The following DCC variants were observed in gnomAD, a reference collection of about 807,000 sequenced individuals.
DCC encodes DCC netrin 1 receptor, also known as netrin receptor DCC.
DCC carries 58 observed loss-of-function variants against 172.5 expected under a neutral mutation model. The observed-to-expected ratio is 0.34, with a 90% CI of 0.27 to 0.42. The LOEUF (loss-of-function observed/expected upper bound fraction) is 0.42, where lower values mean the gene tolerates loss of function less well. Ranked by LOEUF, DCC falls within the 10% of genes least tolerant of loss-of-function variation. The probability of loss-of-function intolerance (pLI) is 1.00; values close to 1 mark genes in which losing one functional copy is unlikely to be tolerated. For missense variants in DCC, 1,740 were observed against 1,791.0 expected (o/e 0.97, Z 0.51); for synonymous variants, 709 against 644.5 (o/e 1.10, Z -1.52).
At chr18:53,509,371 A>G (rs145927541) in intron 27 of DCC, among the ~76,000 whole-genome samples, 292 of 152,362 alleles carry the variant, frequency 1.9e-3, no homozygotes, top group African/African-American at 6.0e-3. Flanking sequence ...TAAGCTCAGC[A>G]TGGACATGGC....
chr18:52,847,681 GA>G lies in DCC; in HGVS notation c.413-58358del, dbSNP rs2038916598. Reference sequence around the variant, plus strand: ...TCAATTGAGACTAAAAATACAAAAAGAAAAAGCTTGATACATCCTCTGACTA... The same window carrying G: ...TCAATTGAGACTAAAAATACAAAAAGAAAAGCTTGATACATCCTCTGACTA... On this transcript the variant is annotated intron_variant, in intron 2 of 28. Transcript: ENST00000442544. Among the ~76,000 whole-genome samples, 6 of 152,146 alleles carry G rather than the reference GA, an allele frequency of 3.9e-5. No individual in the cohort carries two copies. The South Asian group carries it at 1.2e-3, about 32-fold the overall frequency.
At chr18:52,631,042 G>C (rs1004089776) in intron 1 of DCC, among the ~76,000 whole-genome samples, 3 of 152,182 alleles carry the variant, frequency 2.0e-5, no homozygotes, top group Non-Finnish European at 4.4e-5. Context: ...GGCACCTCTA[G>C]CATCTTAGGT....
intron 15 of DCC, among the ~76,000 whole-genome samples, chr18:53,346,039 G>A (rs1322722154): frequency 1.3e-5 from 2 of 151,898 alleles, no homozygotes; most frequent in Non-Finnish European, 2.9e-5. Context: ...TGTTGGCCAG[G>A]TTGGAGTACA....
chr18:53,430,888 G>A (rs1356794451), intron 21 of DCC, among the ~76,000 whole-genome samples: 9 of 152,032 alleles, frequency 5.9e-5, no homozygotes, highest in Admixed American at 5.2e-4. Context: ...CAGGTAGCAG[G>A]GAGATCAAGA....
chr18:52,735,353 T>G (rs1351808398), intron 1 of DCC, among the ~76,000 whole-genome samples: 2 of 152,136 alleles, frequency 1.3e-5, no homozygotes, highest in Non-Finnish European at 2.9e-5. Flanking sequence ...ACTTACTTTG[T>G]CCCTCTTCCC....
intron 26 of DCC, among the ~76,000 whole-genome samples, chr18:53,487,586 C>G (rs1258603303): frequency 8.4e-6 from 1 of 119,118 alleles, no homozygotes; most frequent in Non-Finnish European, 1.7e-5. Context: ...TGGTTTTCAT[C>G]TCTTAGAACA....
chr18:52,506,067 C>T (rs1823909), intron 1 of DCC, among the ~76,000 whole-genome samples: 9,949 of 151,872 alleles, frequency 0.066, 383 homozygotes, highest in Middle Eastern at 0.11. Context: ...CATCATCCTT[C>T]TATATTACCT....
intron 2 of DCC, among the ~76,000 whole-genome samples, chr18:52,849,494 A>G (rs1019793435): frequency 6.6e-6 from 1 of 152,202 alleles, no homozygotes; most frequent in African/African-American, 2.4e-5. Flanking sequence ...AGCAGCTGAG[A>G]TTAAATCCAG....
chr18:52,463,428 AG>A (rs1441848771), intron 1 of DCC, among the ~76,000 whole-genome samples: 6 of 152,304 alleles, frequency 3.9e-5, no homozygotes, highest in African/African-American at 1.4e-4. Flanking sequence ...TTAGGGACAT[AG>A]CCACAATAAT....
chr18:53,108,950 A>G (rs1385053786), intron 7 of DCC, among the ~76,000 whole-genome samples: 1 of 150,354 alleles, frequency 6.7e-6, no homozygotes, highest in Non-Finnish European at 1.5e-5. Flanking sequence ...TAAGTGTGGA[A>G]CTGCACATTT....
At chr18:52,840,572 C>T (rs12185377) in intron 2 of DCC, among the ~76,000 whole-genome samples, 33,751 of 151,830 alleles carry the variant, frequency 0.22, 4,540 homozygotes, top group Admixed American at 0.31. Context: ...ATTAACCTAA[C>T]GAAACTGTCC....
chr18:52,519,239 C>T (rs1410821013), intron 1 of DCC, among the ~76,000 whole-genome samples: 1 of 152,112 alleles, frequency 6.6e-6, no homozygotes, highest in East Asian at 1.9e-4. Flanking sequence ...TTACAGCTTT[C>T]CTAGGTTTAT....
At chr18:52,516,277 A>AAT (rs554903594) in intron 1 of DCC, among the ~76,000 whole-genome samples, 61 of 152,340 alleles carry the variant, frequency 4.0e-4, no homozygotes, top group African/African-American at 1.4e-3. Flanking sequence ...CACAAAAATA[A>AAT]ATATATAAGT....
chr18:53,184,415 T>C (rs1287817086), intron 9 of DCC, among the ~76,000 whole-genome samples: 1 of 152,096 alleles, frequency 6.6e-6, no homozygotes, highest in African/African-American at 2.4e-5. Context: ...CATAATAGTG[T>C]CTTACACACC....
intron 2 of DCC, among the ~76,000 whole-genome samples, chr18:52,806,266 C>A (rs1005528487): frequency 6.6e-6 from 1 of 152,146 alleles, no homozygotes; most frequent in Non-Finnish European, 1.5e-5. Flanking sequence ...ACCTCGCTCC[C>A]GTCAACATCC....
intron 8 of DCC, among the ~76,000 whole-genome samples, chr18:53,178,462 C>G (rs1010301152): frequency 2.0e-5 from 3 of 152,186 alleles, no homozygotes; most frequent in Non-Finnish European, 4.4e-5. Flanking sequence ...GGGACTCAGG[C>G]TCCATACATA....
chr18:52,374,748 G>C (rs532186475), intron 1 of DCC, among the ~76,000 whole-genome samples: 1 of 152,242 alleles, frequency 6.6e-6, no homozygotes, highest in African/African-American at 2.4e-5. Flanking sequence ...AGACTCTACT[G>C]GACCCATTAG....
intron 1 of DCC, among the ~76,000 whole-genome samples, chr18:52,737,345 C>T (rs2036745683): frequency 6.6e-6 from 1 of 152,076 alleles, no homozygotes; most frequent in South Asian, 2.1e-4. Context: ...ACCCAGACAT[C>T]TTTTTAAAGC....
intron 1 of DCC, among the ~76,000 whole-genome samples, chr18:52,394,450 T>TTTG (rs1568148516): frequency 1.3e-5 from 2 of 151,740 alleles, no homozygotes; most frequent in South Asian, 2.1e-4. Context: ...AAGTGGTTTT[T>TTTG]TTTTTTGTAG....
Sources: allele counts gnomAD v4.1 joint callset (sites outside exome capture counted in the v4.1 genomes callset), GRCh38; gene constraint gnomAD v4.1.1; transcripts MANE v1.5; gene names NCBI Gene and HGNC (gene_info 2026-07-23, HGNC 2026-07-21).